Variants in RIMS1 observed in about 807,000 individuals in gnomAD.
RIMS1 encodes the protein regulating synaptic membrane exocytosis protein 1.
RIMS1 carries 83 observed loss-of-function variants against 214.1 expected under a neutral mutation model. The observed-to-expected ratio is 0.39, with a 90% CI of 0.32 to 0.47. The LOEUF (loss-of-function observed/expected upper bound fraction) is 0.47. Among genes scored for constraint, RIMS1 ranks in the 20% least tolerant of loss-of-function variants. The pLI is 0.99. For synonymous variants in RIMS1, 793 were observed against 786.8 expected, an observed-to-expected ratio of 1.01 and a Z score of -0.13; for missense variants, 2,050 against 2,161.8, an observed-to-expected ratio of 0.95 and a Z score of 1.03.
intron 2 of RIMS1, among the ~76,000 whole-genome samples, chr6:72,037,265 G>A (rs955213643): frequency 1.3e-5 from 2 of 151,890 alleles, no homozygotes; most frequent in African/African-American, 2.4e-5. Context: ...TGACTGTCAG[G>A]ATTTAGTGGC....
chr6:72,192,132 G>A (rs984712497), intron 6 of RIMS1, among the ~76,000 whole-genome samples: 5 of 152,108 alleles, frequency 3.3e-5, no homozygotes, highest in Admixed American at 2.0e-4. Flanking sequence ...GGATGTGTCC[G>A]GGGACCCACT....
At chr6:72,028,949 A>G (rs1454029874) in intron 2 of RIMS1, among the ~76,000 whole-genome samples, 1 of 152,208 alleles carries the variant, frequency 6.6e-6, no homozygotes, top group African/African-American at 2.4e-5. Context: ...GGTACTGAAG[A>G]AAATGGATAA....
rs1172850398 is a variant in RIMS1 at position 72,399,313 on chromosome 6, T to G, written c.4860+219T>G. 3.9e-5 allele frequency among the ~76,000 whole-genome samples: 6 copies of G among 152,060 alleles called. No homozygotes were observed. In the South Asian group the frequency reaches 8.3e-4, roughly 21 times the overall value. On this transcript the variant is annotated intron_variant, in intron 33 of 33. Transcript: ENST00000521978. ...AGAGAACAATTTTATTTTATCTCTC[T>G]CTCTTCTTGTCTTTTCTCTCTCTAT...
chr6:72,182,223 C>A, intron 5 of RIMS1, 61 bp from the exon 6 acceptor site: 1 of 1,464,896 alleles, frequency 6.8e-7, no homozygotes, highest in Non-Finnish European at 9.1e-7. Context: ...GAGAAGAAAA[C>A]ATGTTTTTTA....
At chr6:71,963,767 T>G (rs918310065) in intron 1 of RIMS1, among the ~76,000 whole-genome samples, 1 of 152,190 alleles carries the variant, frequency 6.6e-6, no homozygotes, top group African/African-American at 2.4e-5. Context: ...TATAAATATT[T>G]TATAGAAACT....
chr6:72,144,869 A>C (rs2463703), intron 4 of RIMS1, among the ~76,000 whole-genome samples: 8 of 151,798 alleles, frequency 5.3e-5, no homozygotes, highest in Admixed American at 3.3e-4. Context: ...TATGATAAGG[A>C]TTTTTTTTCT....
intron 1 of RIMS1, among the ~76,000 whole-genome samples, chr6:71,927,783 T>C (rs948388603): frequency 2.0e-5 from 3 of 152,092 alleles, no homozygotes; most frequent in African/African-American, 7.2e-5. Flanking sequence ...AAACCACATA[T>C]GTTAAAATAA....
rs1767841279 is a variant in RIMS1, at chr6:71,886,586, G to C, written c.-438G>C. The C allele has an allele frequency of 6.6e-6, 1 of 151,970 alleles. No individual in the cohort carries two copies. The highest frequency in any genetic ancestry group is 1.5e-5 in the Non-Finnish European group (1 of 67,428). 9.4% of individuals were successfully genotyped at this position (151,970 alleles called of 1,614,324 possible). A position where few individuals can be genotyped will look rare whatever the true frequency, so the allele number is the denominator to read the frequency against. ...AGCAGAGCCTGGGAGCAGCCTCCACGGCGGCAGCGGCCGCCCCAGTCCCAG... is the reference window on the plus strand; with the variant it reads ...AGCAGAGCCTGGGAGCAGCCTCCACCGCGGCAGCGGCCGCCCCAGTCCCAG... On this transcript the variant is annotated 5_prime_UTR_variant, in exon 1 of 34. Transcript: ENST00000521978.
intron 2 of RIMS1, among the ~76,000 whole-genome samples, chr6:72,094,224 T>C (rs898538144): frequency 6.6e-6 from 1 of 152,226 alleles, no homozygotes; most frequent in Non-Finnish European, 1.5e-5. Flanking sequence ...ATGCCTGAAC[T>C]ATTTGCTAAA....
chr6:71,888,119 G>A (rs1768407730), intron 1 of RIMS1, among the ~76,000 whole-genome samples: 1 of 152,196 alleles, frequency 6.6e-6, no homozygotes, highest in South Asian at 2.1e-4. Context: ...GTGCAGGAGT[G>A]TGTGACACTG....
intron 2 of RIMS1, among the ~76,000 whole-genome samples, chr6:72,025,907 A>G (rs1272953583): frequency 1.3e-5 from 2 of 152,200 alleles, no homozygotes; most frequent in South Asian, 2.1e-4. Flanking sequence ...ACTTGGTGCT[A>G]GAAAAGGTCA....
intron 6 of RIMS1, among the ~76,000 whole-genome samples, chr6:72,187,479 G>GTTTTTTTT (rs61420518): frequency 4.0e-5 from 5 of 125,616 alleles, no homozygotes; most frequent in African/African-American, 1.2e-4. Flanking sequence ...TATCCTTTTT[G>GTTTTTTTT]TTTTTTTTTT....
At chr6:72,344,145 G>A (rs915027370) in intron 29 of RIMS1, among the ~76,000 whole-genome samples, 2 of 151,754 alleles carry the variant, frequency 1.3e-5, no homozygotes, top group Admixed American at 1.3e-4. Flanking sequence ...CACAGGTAAT[G>A]CAAGTCATGA....
chr6:72,059,695 A>G (rs758679744), intron 2 of RIMS1, among the ~76,000 whole-genome samples: 8 of 152,228 alleles, frequency 5.3e-5, no homozygotes, highest in Admixed American at 3.9e-4. Context: ...AATCATTCTA[A>G]TGTACTTATT....
At chr6:72,059,284 T>C (rs1421665516) in intron 2 of RIMS1, among the ~76,000 whole-genome samples, 1 of 152,218 alleles carries the variant, frequency 6.6e-6, no homozygotes, top group Non-Finnish European at 1.5e-5. Context: ...TGCAGTATAG[T>C]GCTACAATCA....
intron 2 of RIMS1, among the ~76,000 whole-genome samples, chr6:72,055,826 A>G (rs553696080): frequency 6.6e-6 from 1 of 152,232 alleles, no homozygotes. Context: ...AATGTAAATT[A>G]GTTTATCCAT....
chr6:72,310,843 G>A (rs1182321531), intron 27 of RIMS1, among the ~76,000 whole-genome samples: 2 of 151,992 alleles, frequency 1.3e-5, no homozygotes, highest in Admixed American at 6.6e-5. Flanking sequence ...AATAATCAAT[G>A]TGAATAAAAC....
chr6:72,329,911 G>A (rs1476851957), intron 28 of RIMS1, among the ~76,000 whole-genome samples: 4 of 151,756 alleles, frequency 2.6e-5, no homozygotes, highest in Non-Finnish European at 5.9e-5. Context: ...GTTGACAGCT[G>A]GATATATAAA....
At chr6:72,208,672 G>C (rs958956601) in intron 6 of RIMS1, among the ~76,000 whole-genome samples, 2 of 152,178 alleles carry the variant, frequency 1.3e-5, no homozygotes, top group Non-Finnish European at 2.9e-5. Flanking sequence ...AGATCAGTCA[G>C]AAGTTAAAAA....
Sources: gnomAD v4.1 joint callset for allele counts (sites outside exome capture counted in the v4.1 genomes callset) on GRCh38, gnomAD v4.1.1 for gene constraint, MANE v1.5 for transcripts, NCBI Gene and HGNC (gene_info 2026-07-23, HGNC 2026-07-21) for gene names.